Variants in CIAPIN1 observed in about 807,000 individuals in gnomAD.
CIAPIN1 encodes cytokine induced apoptosis inhibitor 1, also known as anamorsin.
Under a neutral mutation model 34.3 loss-of-function variants are expected in CIAPIN1, and 18 were observed. The ratio of observed to expected loss-of-function variants is 0.52; its 90% CI spans 0.36 to 0.78. CIAPIN1 has a LOEUF of 0.78. CIAPIN1 is among the 30% of genes least tolerant of loss of function. The pLI is 0.00. For synonymous variants in CIAPIN1, 131 were observed against 140.4 expected (o/e 0.93, Z 0.47); for missense variants, 310 against 372.5 (o/e 0.83, Z 1.38).
At chr16:57,441,277 G>A (rs1377677219) in intron 1 of CIAPIN1, 3 of 166,308 alleles carry the variant, frequency 1.8e-5, no homozygotes, top group East Asian at 3.4e-4. Context: ...TTTGACCTAA[G>A]ATAATTCAGC....
At chr16:57,431,627 G>C (rs778276335) in intron 6 of CIAPIN1, among the ~76,000 whole-genome samples, 1 of 152,118 alleles carries the variant, frequency 6.6e-6, no homozygotes, top group African/African-American at 2.4e-5. Flanking sequence ...TGTTTATGAA[G>C]AGTCACGTGA....
chr16:57,447,004 T>A (rs369923308), intron 1 of CIAPIN1, among the ~76,000 whole-genome samples: 1 of 152,058 alleles, frequency 6.6e-6, no homozygotes, highest in East Asian at 1.9e-4. Flanking sequence ...TAGGACCGGG[T>A]CTCAGAACCA....
chr16:57,445,834 GTTTTTTTTTTTT>G (rs751037117), intron 1 of CIAPIN1, among the ~76,000 whole-genome samples: 12 of 70,494 alleles, frequency 1.7e-4, no homozygotes, highest in African/African-American at 3.6e-4. Flanking sequence ...GACCTTAGAG[GTTTTTTTTTTTT>G]TTTTTTTTTT....
chr16:57,431,189 A>T lies in CIAPIN1; in HGVS notation c.708T>A (p.Ser236=), dbSNP rs1903078998. The T allele has an allele frequency of 6.2e-7, 1 of 1,613,692 alleles. No homozygotes were observed. Among genetic ancestry groups the T allele is most frequent in the Admixed American group, 1.7e-5 (1 of 59,980 alleles). Reference sequence around the variant, plus strand: ...CCTTCCTCTTTTTCCCTTCCCCACAAGAAGCAGCCCGCAGGGAAGCTGGAT... The same window carrying T: ...CCTTCCTCTTTTTCCCTTCCCCACATGAAGCAGCCCGCAGGGAAGCTGGAT... ...KPDPASLRAA[S]CGEGKKRKAC... Residue 236 remains serine, a synonymous_variant, in exon 7 of 9, where the codon TCT becomes TCA. Coordinates refer to ENST00000394391, the MANE Select transcript of CIAPIN1 (RefSeq NM_020313.4).
intron 8 of CIAPIN1, among the ~76,000 whole-genome samples, chr16:57,429,781 C>A (rs868647131): frequency 1.3e-5 from 2 of 149,928 alleles, no homozygotes; most frequent in Non-Finnish European, 3.0e-5. Flanking sequence ...CGTGAGCCAC[C>A]GCACCCGGCC....
chr16:57,438,198 A>C (rs1157424283), intron 3 of CIAPIN1, among the ~76,000 whole-genome samples: 1 of 152,200 alleles, frequency 6.6e-6, no homozygotes, highest in Non-Finnish European at 1.5e-5. Flanking sequence ...CTATTATTCT[A>C]TTTGATGAAA....
intron 4 of CIAPIN1, among the ~76,000 whole-genome samples, chr16:57,435,732 T>G (rs575959903): frequency 6.5e-4 from 99 of 152,282 alleles, no homozygotes; most frequent in African/African-American, 2.0e-3. Context: ...AGGCGGATGA[T>G]GCAGTAAGCA....
intron 4 of CIAPIN1, 85 bp from the exon 5 acceptor site, chr16:57,434,297 C>A (rs1232489346): frequency 8.0e-7 from 1 of 1,243,060 alleles, no homozygotes; most frequent in Non-Finnish European, 1.2e-6. Context: ...GTCAAAGACT[C>A]ATTTCTGTGC....
At chr16:57,440,430 A>T in intron 2 of CIAPIN1, among the ~76,000 whole-genome samples, 1 of 152,030 alleles carries the variant, frequency 6.6e-6, no homozygotes, top group Non-Finnish European at 1.5e-5. Context: ...CCCTTTGAAA[A>T]TCACTAATAA....
chr16:57,434,170 G>C lies in CIAPIN1; in HGVS notation c.430C>G (p.Arg144Gly), dbSNP rs781144913. The change falls in exon 5 of 9, where the codon CGA (arginine) becomes GGA (glycine). Residue 144 changes from arginine to glycine, a missense_variant. Transcript: ENST00000394391. ...PLTPEEVQSVREHLGHESDNL... is the reference protein window; with the variant it reads ...PLTPEEVQSVGEHLGHESDNL... The stretch of plus-strand genomic sequence containing the variant: ...TCACTTTCATGACCAAGGTGTTCTC[G>C]AACAGACTGTACTTCCTCAGGGGTT... 2 of 1,614,008 alleles carry C rather than the reference G, an allele frequency of 1.2e-6. No homozygotes were observed. Among genetic ancestry groups the C allele is most frequent in the Admixed American group, 1.7e-5 (1 of 60,010 alleles).
At chr16:57,446,168 A>C (rs916987255) in intron 1 of CIAPIN1, among the ~76,000 whole-genome samples, 45 of 152,244 alleles carry the variant, frequency 3.0e-4, no homozygotes, top group African/African-American at 1.0e-3. Context: ...GAGAATCAAC[A>C]ATGAAACAGG....
In CIAPIN1 at chr16:57,440,879, T is replaced by C. The variant is rs774159472; in HGVS notation, c.50A>G (p.Asp17Gly). ...SAGQFVAVVWDKSSPVEALKG... is the reference protein window; with the variant it reads ...SAGQFVAVVWGKSSPVEALKG... ...CAGAGCCTCCACTGGGGATGACTTA[T>C]CCCAGACCACTGCCACAAACTGGCC... Residue 17 changes from aspartate (D) to glycine (G), a missense_variant, in exon 2 of 9, where the codon GAT becomes GGT. By Grantham distance (94) the Asp-to-Gly change is moderately conservative (BLOSUM62 -1). Coordinates refer to ENST00000394391, the MANE Select transcript of CIAPIN1 (RefSeq NM_020313.4). 4 of 1,614,074 alleles carry C rather than the reference T, an allele frequency of 2.5e-6. No homozygotes were observed. Among genetic ancestry groups the C allele is most frequent in the Non-Finnish European group, 1.7e-6 (2 of 1,179,974 alleles).
intron 1 of CIAPIN1, among the ~76,000 whole-genome samples, chr16:57,443,141 T>TG (rs1203393617): frequency 6.7e-6 from 1 of 150,248 alleles, no homozygotes; most frequent in Admixed American, 6.6e-5. Context: ...TTGTTTTTTT[T>TG]TTTTTTTTGC....
In CIAPIN1 at chr16:57,437,378, T is replaced by C. The variant is rs920647466; in HGVS notation, c.311-646A>G. ...GCAAGTGTCCTAAGCGTGTTTAAGGTAGGCTAGGCTAACCTAAGCAATTGT... is the reference window on the plus strand; with the variant it reads ...GCAAGTGTCCTAAGCGTGTTTAAGGCAGGCTAGGCTAACCTAAGCAATTGT... On this transcript the variant is annotated intron_variant, in intron 3 of 8. Coordinates refer to ENST00000394391, the MANE Select transcript of CIAPIN1 (RefSeq NM_020313.4). Among the ~76,000 whole-genome samples, 7 of 152,236 alleles carry C rather than the reference T, an allele frequency of 4.6e-5. No individual in the cohort carries two copies. The East Asian group carries it at 1.3e-3, about 29-fold the overall frequency.
chr16:57,439,368 T>C (rs199726048), intron 2 of CIAPIN1, 34 bp from the exon 3 acceptor site: 148 of 1,612,878 alleles, frequency 9.2e-5, no homozygotes, highest in Non-Finnish European at 1.2e-4. Flanking sequence ...AGCAATCTCC[T>C]GAGCCTGGGA....
rs777078113 is a variant in CIAPIN1 at position 57,439,166 on chromosome 16, G to C, written c.310+16C>G. 6.2e-7 allele frequency: 1 copy of C among 1,612,752 alleles called. No homozygotes were observed. Among genetic ancestry groups the C allele is most frequent in the African/African-American group, 1.3e-5 (1 of 75,008 alleles). On this transcript the variant is annotated intron_variant, in intron 3 of 8. Transcript: ENST00000394391. ...CAACCCTGTCAAACATGTTTTCCAA[G>C]TGAAGATCTCCTTACCTACAGCTGT... is the stretch of plus-strand genomic sequence containing the variant.
chr16:57,433,561 G>A (rs758138752), intron 5 of CIAPIN1: 10 of 198,528 alleles, frequency 5.0e-5, no homozygotes, highest in East Asian at 1.4e-4. Flanking sequence ...GTGCGTGCAC[G>A]CGTGTGCTTG....
At position 57,440,765 on chromosome 16, in the gene CIAPIN1, T is replaced by C; in HGVS notation, c.157+7A>G. 1 of 1,609,496 alleles carries C rather than the reference T, an allele frequency of 6.2e-7. No homozygotes were observed. The highest frequency in any genetic ancestry group is 8.5e-7 in the Non-Finnish European group (1 of 1,177,282). On this transcript the variant is annotated splice_region_variant and intron_variant, in intron 2 of 8. Coordinates refer to ENST00000394391, the MANE Select transcript of CIAPIN1 (RefSeq NM_020313.4). ...GCCTCATAAAGACAACGTGGGTGGG[T>C]ACTTACATTGCAACAGCTGCTTGAT...
intron 8 of CIAPIN1, 107 bp downstream of exon 8, chr16:57,430,151 C>T (rs1178020272): frequency 1.6e-5 from 15 of 945,814 alleles, no homozygotes; most frequent in African/African-American, 6.5e-5. Flanking sequence ...CTCACGCATT[C>T]GTCTGTTACT....
Sources: gnomAD v4.1 joint callset for allele counts (sites outside exome capture counted in the v4.1 genomes callset) on GRCh38, gnomAD v4.1.1 for gene constraint, MANE v1.5 for transcripts, NCBI Gene and HGNC (gene_info 2026-07-23, HGNC 2026-07-21) for gene names.